The following PPP2R3C variants were observed in gnomAD, a reference collection of about 807,000 sequenced individuals.
The protein encoded by PPP2R3C is protein phosphatase 2 regulatory subunit B''gamma.
A neutral mutation model predicts 63.7 loss-of-function variants in PPP2R3C; 47 were observed. The observed-to-expected ratio is 0.74, with a 90% CI of 0.58 to 0.94. The LOEUF (loss-of-function observed/expected upper bound fraction) is 0.94. PPP2R3C is among the 40% of genes least tolerant of loss of function. The probability of loss-of-function intolerance (pLI) is 0.00; values close to 1 mark genes in which losing one functional copy is unlikely to be tolerated. For synonymous variants in PPP2R3C, 180 were observed against 177.4 expected (o/e 1.01, Z -0.12); for missense variants, 421 against 518.4 (o/e 0.81, Z 1.82).
intron 12 of PPP2R3C, chr14:35,086,054 A>G: frequency 2.9e-6 from 1 of 347,760 alleles, no homozygotes; most frequent in Admixed American, 4.5e-5. Context: ...ACCAAGGCTC[A>G]GTGCCTAATC....
chr14:35,117,242 T>C, intron 1 of PPP2R3C: 1 of 443,762 alleles, frequency 2.3e-6, no homozygotes, highest in South Asian at 1.6e-5. Flanking sequence ...AGGGCTCTAT[T>C]ACCCTGCAAC....
intron 2 of PPP2R3C, 83 bp from the exon 3 acceptor site, chr14:35,110,712 T>C (rs576240252): frequency 4.8e-6 from 4 of 837,184 alleles, no homozygotes; most frequent in Non-Finnish European, 5.7e-6. Flanking sequence ...AAAATAACTG[T>C]ATGCCACCGC....
intron 2 of PPP2R3C, among the ~76,000 whole-genome samples, chr14:35,115,346 C>G (rs1263157337): frequency 1.3e-5 from 2 of 150,902 alleles, no homozygotes; most frequent in Non-Finnish European, 3.0e-5. Context: ...TTTGGAGAGA[C>G]ACGATCTCAC....
At position 35,096,809 on chromosome 14, in the gene PPP2R3C, G is replaced by A. The variant is rs372114697; in HGVS notation, c.707-45C>T. ...CACAATTAATTTCATTTTAAGAAAA[G>A]AGCAACTCAATTAATTAAAAAAAAA... is the stretch of plus-strand genomic sequence containing the variant. On this transcript the variant is annotated intron_variant, in intron 7 of 12. Transcript: ENST00000261475. 6.7e-6 allele frequency: 10 copies of A among 1,498,886 alleles called. No individual in the cohort carries two copies. The East Asian group carries it at 1.7e-4, about 25-fold the overall frequency. 92.8% of individuals were successfully genotyped at this position (1,498,886 alleles called of 1,614,324 possible).
At chr14:35,109,629 T>C (rs920843388) in intron 4 of PPP2R3C, among the ~76,000 whole-genome samples, 190 bp downstream of exon 4, 2 of 151,770 alleles carry the variant, frequency 1.3e-5, no homozygotes, top group Non-Finnish European at 2.9e-5. Flanking sequence ...ACCCAGATAA[T>C]TTTTTTAGTA....
intron 11 of PPP2R3C, among the ~76,000 whole-genome samples, chr14:35,088,228 C>G (rs370101454): frequency 6.6e-6 from 1 of 152,152 alleles, no homozygotes. Context: ...AGACCTATAT[C>G]TTAACTATTG....
Position 35,114,837 on chromosome 14 carries a change from A to T in PPP2R3C, c.186+1773T>A. 1.3e-5 allele frequency among the ~76,000 whole-genome samples: 2 copies of T among 152,168 alleles called. 1 individual carries two copies. The highest frequency in any genetic ancestry group is 3.8e-4 in the East Asian group (2 of 5,200). On this transcript the variant is annotated intron_variant, in intron 2 of 12. Transcript: ENST00000261475. ...GTGAAACCCGGTCTCTACTAAAAAT[A>T]CAAAAACTAGCTGGGCGTGGTGGCG...
intron 6 of PPP2R3C, among the ~76,000 whole-genome samples, chr14:35,105,644 C>G (rs2046326934): frequency 6.6e-6 from 1 of 151,804 alleles, no homozygotes. Context: ...TCAACAAAAA[C>G]TATATGGAAT....
intron 9 of PPP2R3C, 130 bp from the exon 10 acceptor site, chr14:35,095,314 G>T: frequency 3.4e-6 from 3 of 888,152 alleles, no homozygotes; most frequent in Non-Finnish European, 5.1e-6. Flanking sequence ...TTAGGGTAGT[G>T]GCCTATGTGT....
chr14:35,086,797 C>A, intron 12 of PPP2R3C: 1 of 152,732 alleles, frequency 6.5e-6, no homozygotes, highest in Non-Finnish European at 1.5e-5. Flanking sequence ...CGTGCCCAGC[C>A]CCTTCTTTTT....
In PPP2R3C at chr14:35,109,885, C is replaced by T; in HGVS notation, c.338G>A (p.Gly113Glu). The change falls in exon 4 of 13, where the codon GGA becomes GAA. Residue 113 changes from glycine (G) to glutamate (E), a missense_variant. Gly to Glu is a moderately conservative substitution (Grantham distance 98, BLOSUM62 -2). Transcript: ENST00000261475. The part of the protein sequence containing the change: ...LDKHQTPPMI[G>E]EEAMINYENF... ...TTCGTAATTGATCATCGCTTCCTCTCCAATCATAGGTGGTGTCTGGTGTTT... is the reference window on the plus strand; with the variant it reads ...TTCGTAATTGATCATCGCTTCCTCTTCAATCATAGGTGGTGTCTGGTGTTT... 2 of 1,612,130 alleles carry T rather than the reference C, an allele frequency of 1.2e-6. No individual in the cohort carries two copies. The highest frequency in any genetic ancestry group is 1.7e-6 in the Non-Finnish European group (2 of 1,178,494).
At chr14:35,088,052 AC>A (rs1236943628) in intron 11 of PPP2R3C, 42 bp from the exon 12 acceptor site, 2 of 1,396,354 alleles carry the variant, frequency 1.4e-6, no homozygotes. Flanking sequence ...AAAATGAAAT[AC>A]ACAACATCCC....
rs899253992 is a variant in PPP2R3C at position 35,107,972 on chromosome 14, T to A, written c.502+167A>T. ...ACATGAGGGTTTAAAAAATTTTTGTTTTTTTATGCTAACCCAAGTTTATGT... is the reference window on the plus strand; with the variant it reads ...ACATGAGGGTTTAAAAAATTTTTGTATTTTTATGCTAACCCAAGTTTATGT... On this transcript the variant is annotated intron_variant, in intron 5 of 12. Transcript: ENST00000261475. The A allele has an allele frequency of 2.1e-5, 23 of 1,082,516 alleles. No individual in the cohort carries two copies. In the African/African-American group the frequency reaches 2.1e-4, roughly 10 times the overall value. 67.1% of individuals were successfully genotyped at this position (1,082,516 alleles called of 1,614,324 possible).
chr14:35,090,997 G>A (rs2045795660), intron 11 of PPP2R3C, 73 bp downstream of exon 11: 3 of 1,413,700 alleles, frequency 2.1e-6, no homozygotes, highest in Non-Finnish European at 2.9e-6. Flanking sequence ...TTACAGGCGT[G>A]AGCCACTGCA....
chr14:35,110,537 A>G lies in PPP2R3C; in HGVS notation c.279T>C (p.Asn93=). The G allele has an allele frequency of 6.2e-7, 1 of 1,604,734 alleles. No individual in the cohort carries two copies. The highest frequency in any genetic ancestry group is 8.5e-7 in the Non-Finnish European group (1 of 1,173,916). ...LQRKSRELLD[N]EELQNLWFLL... is the part of the protein sequence containing the mutation. ...GCTTTGTTCTTACCTGTAATTCTTC[A>G]TTATCTAACAGTTCTCTGCTTTTTC... The change falls in exon 3 of 13, where the codon AAT becomes AAC. Residue 93 remains asparagine (N), a synonymous_variant. Coordinates refer to ENST00000261475, the MANE Select transcript of PPP2R3C (RefSeq NM_017917.4).
chr14:35,095,174 C>T lies in PPP2R3C; in HGVS notation c.849G>A (p.Leu283=). ...TGCCATTGTGATCTTTATCAAGATT[C>T]AAGTACTGGCCTTGGGAAGAAAAAT... ...PSALRVYGQY[L]NLDKDHNGML... The change falls in exon 10 of 13, where the codon TTG becomes TTA. Residue 283 remains leucine, a synonymous_variant. Transcript: ENST00000261475. The T allele has an allele frequency of 6.2e-7, 1 of 1,613,548 alleles. No homozygotes were observed.
chr14:35,089,811 G>A (rs1035473299), intron 11 of PPP2R3C, among the ~76,000 whole-genome samples: 15 of 151,016 alleles, frequency 9.9e-5, no homozygotes, highest in African/African-American at 2.2e-4. Context: ...GACTATAGGC[G>A]CCCGCCACCA....
In PPP2R3C at chr14:35,116,701, AT is replaced by A. The variant is rs2046720420; in HGVS notation, c.94del (p.Met32TrpfsTer43). On this transcript the variant is annotated frameshift_variant, in exon 2 of 13. Coordinates refer to ENST00000261475, the MANE Select transcript of PPP2R3C (RefSeq NM_017917.4). LOFTEE classifies it high-confidence loss of function. ...KSEQELKDEEMDLFTKYYSEW... is the reference protein window; with the variant it reads ...KSEQELKDEEXDLFTKYYSEW... ...GGAGTAATATTTTGTAAATAAATCC[AT>A]TTCTTCATCTTTTAATTCTTGTTCA... 6.3e-7 allele frequency: 1 copy of A among 1,593,982 alleles called. No individual in the cohort carries two copies. The highest frequency in any genetic ancestry group is 8.6e-7 in the Non-Finnish European group (1 of 1,168,170).
intron 4 of PPP2R3C, 148 bp from the exon 5 acceptor site, chr14:35,108,384 A>C: frequency 8.9e-7 from 1 of 1,127,782 alleles, no homozygotes; most frequent in East Asian, 3.2e-5. Flanking sequence ...TAAAATATTA[A>C]GTCAAACTTT....
Sources: allele counts gnomAD v4.1 joint callset (sites outside exome capture counted in the v4.1 genomes callset), GRCh38; gene constraint gnomAD v4.1.1; transcripts MANE v1.5; gene names NCBI Gene and HGNC (gene_info 2026-07-23, HGNC 2026-07-21).